DENND2C: variants seen among roughly 807,000 people sequenced by gnomAD.
DENND2C encodes the protein DENN domain-containing protein 2C.
A neutral mutation model predicts 112.4 loss-of-function variants in DENND2C; 72 were observed. The observed-to-expected ratio is 0.64, with a 90% CI of 0.53 to 0.78. The LOEUF (loss-of-function observed/expected upper bound fraction) is 0.78. Among genes scored for constraint, DENND2C ranks in the 30% least tolerant of loss-of-function variants. The pLI, the probability that DENND2C is intolerant of heterozygous loss-of-function variation, is 0.00. For synonymous variants in DENND2C, 329 were observed against 381.6 expected (o/e 0.86, Z 1.61); for missense variants, 992 against 1,113.8 (o/e 0.89, Z 1.56).
rs1428173325 is a variant in DENND2C, at chr1:114,583,439, CATT to C, written c.*2158_*2160del. The C allele has an allele frequency of 6.6e-6, 1 of 152,008 alleles. No individual in the cohort carries two copies. Among genetic ancestry groups the C allele is most frequent in the Admixed American group, 6.6e-5 (1 of 15,262 alleles). 9.4% of individuals were successfully genotyped at this position (152,008 alleles called of 1,614,324 possible). On this transcript the variant is annotated 3_prime_UTR_variant, in exon 21 of 21. Transcript: ENST00000393274. The stretch of plus-strand genomic sequence containing the variant: ...GAAAACAAACTGACATTTGCTATAA[CATT>C]AATCAATGAAAAGTGCACCATCTGA...
intron 1 of DENND2C, among the ~76,000 whole-genome samples, chr1:114,657,747 T>C (rs187955159): frequency 1.2e-4 from 19 of 152,280 alleles, no homozygotes; most frequent in East Asian, 9.7e-4. Flanking sequence ...TTTATCCAAA[T>C]AGACGAATAG....
chr1:114,597,263 G>A (rs557165381), intron 16 of DENND2C, among the ~76,000 whole-genome samples: 1 of 151,860 alleles, frequency 6.6e-6, no homozygotes, highest in South Asian at 2.1e-4. Flanking sequence ...GGCCAACATG[G>A]TGAAACCCCG....
chr1:114,667,520 G>A (rs1657678313), intron 1 of DENND2C, among the ~76,000 whole-genome samples: 1 of 151,920 alleles, frequency 6.6e-6, no homozygotes, highest in Admixed American at 6.6e-5. Context: ...TGTTACTGAG[G>A]GACTGAGAGC....
At chr1:114,611,035 C>T (rs1019169631) in intron 9 of DENND2C, 38 bp downstream of exon 9, 18 of 1,613,456 alleles carry the variant, frequency 1.1e-5, no homozygotes, top group Middle Eastern at 3.3e-4. Context: ...AACCCATGAT[C>T]ATCACAACAA....
intron 1 of DENND2C, among the ~76,000 whole-genome samples, chr1:114,664,155 G>T (rs929419023): frequency 6.6e-6 from 1 of 152,042 alleles, no homozygotes; most frequent in African/African-American, 2.4e-5. Context: ...GCTCAGGCTG[G>T]TCTAGAACTC....
At chr1:114,639,483 G>A (rs1478612854) in intron 3 of DENND2C, among the ~76,000 whole-genome samples, 1 of 151,630 alleles carries the variant, frequency 6.6e-6, no homozygotes, top group African/African-American at 2.4e-5. Flanking sequence ...TTGGGAGGCT[G>A]AGGCAGGAGA....
intron 3 of DENND2C, among the ~76,000 whole-genome samples, chr1:114,636,071 A>T (rs988040176): frequency 6.6e-6 from 1 of 150,822 alleles, no homozygotes; most frequent in African/African-American, 2.4e-5. Flanking sequence ...TCAAACTCAT[A>T]AATAAATATA....
chr1:114,657,084 C>T (rs1424722291), intron 1 of DENND2C, among the ~76,000 whole-genome samples: 1 of 152,144 alleles, frequency 6.6e-6, no homozygotes, highest in African/African-American at 2.4e-5. Flanking sequence ...GTGGACACTG[C>T]CAGAGTTTTC....
intron 11 of DENND2C, 112 bp downstream of exon 11, chr1:114,604,810 G>A (rs1332384735): frequency 2.7e-6 from 2 of 737,174 alleles, no homozygotes; most frequent in Non-Finnish European, 4.6e-6. Flanking sequence ...CCACATCCTT[G>A]ACTTGCCACA....
intron 3 of DENND2C, among the ~76,000 whole-genome samples, chr1:114,639,463 T>A (rs114476761): frequency 0.027 from 4,067 of 151,646 alleles, 197 homozygotes; most frequent in African/African-American, 0.093. Context: ...CCTGTAATAA[T>A]CCCAGCTATT....
At chr1:114,611,233 T>G in intron 8 of DENND2C, 116 bp from the exon 9 acceptor site, 2 of 1,151,374 alleles carry the variant, frequency 1.7e-6, no homozygotes, top group Admixed American at 2.2e-5. Flanking sequence ...ATAAAGCTGC[T>G]GAGCCTTTCT....
chr1:114,669,325 C>T (rs1224166216), intron 1 of DENND2C, among the ~76,000 whole-genome samples: 1 of 152,046 alleles, frequency 6.6e-6, no homozygotes, highest in African/African-American at 2.4e-5. Context: ...AAAGAGAGGC[C>T]CAGGAAGTTA....
chr1:114,662,927 T>C (rs1392125895), intron 1 of DENND2C, among the ~76,000 whole-genome samples: 1 of 151,218 alleles, frequency 6.6e-6, no homozygotes, highest in Non-Finnish European at 1.5e-5. Flanking sequence ...GCCACTGCAC[T>C]CCAGCCTGGG....
chr1:114,662,708 A>C (rs1657531611), intron 1 of DENND2C, among the ~76,000 whole-genome samples: 1 of 152,180 alleles, frequency 6.6e-6, no homozygotes, highest in Non-Finnish European at 1.5e-5. Flanking sequence ...TCGTACCCCC[A>C]GCGCTTTGGG....
At chr1:114,611,174 GA>G in intron 8 of DENND2C, 57 bp from the exon 9 acceptor site, 1 of 1,598,088 alleles carries the variant, frequency 6.3e-7, no homozygotes, top group Non-Finnish European at 8.6e-7. Context: ...AGTACATGAG[GA>G]TGAGAACAAT....
At chr1:114,647,767 T>C (rs1158920488) in intron 2 of DENND2C, among the ~76,000 whole-genome samples, 3 of 152,094 alleles carry the variant, frequency 2.0e-5, no homozygotes, top group African/African-American at 7.2e-5. Flanking sequence ...AGTGTTTACA[T>C]TTGCCAGGCA....
chr1:114,669,978 C>G lies in DENND2C; in HGVS notation c.-574+5G>C, dbSNP rs1478855508. On this transcript the variant is annotated splice_donor_5th_base_variant and intron_variant, in intron 1 of 20. Coordinates refer to ENST00000393274, the MANE Select transcript of DENND2C (RefSeq NM_001256404.2). The stretch of plus-strand genomic sequence containing the variant: ...AACCCCGCGCCGAATCACCCCGACT[C>G]TTACCTGTCTGTACCTCAACGTTGT... 1 of 152,650 alleles carries G rather than the reference C, an allele frequency of 6.6e-6. No individual in the cohort carries two copies. The highest frequency in any genetic ancestry group is 1.5e-5 in the Non-Finnish European group (1 of 68,432). The allele number at this position is 152,650 out of a possible 1,614,324, so 9.5% of individuals were successfully genotyped here. A position where few individuals can be genotyped will look rare whatever the true frequency, so the allele number is the denominator to read the frequency against.
chr1:114,594,329 A>G, intron 18 of DENND2C, 144 bp downstream of exon 18: 1 of 646,026 alleles, frequency 1.5e-6, no homozygotes, highest in Non-Finnish European at 2.7e-6. Flanking sequence ...TACTGAGGAT[A>G]AGCAAGGAAG....
intron 1 of DENND2C, among the ~76,000 whole-genome samples, chr1:114,663,100 T>G (rs916655831): frequency 2.6e-5 from 4 of 152,230 alleles, no homozygotes; most frequent in Non-Finnish European, 5.9e-5. Context: ...CCTTCAGTCT[T>G]ATAATTTGCT....
Sources: allele counts gnomAD v4.1 joint callset (sites outside exome capture counted in the v4.1 genomes callset), GRCh38; gene constraint gnomAD v4.1.1; transcripts MANE v1.5; gene names NCBI Gene and HGNC (gene_info 2026-07-23, HGNC 2026-07-21).